TRIM67: variants seen among roughly 807,000 people sequenced by gnomAD.
The protein encoded by TRIM67 is tripartite motif containing 67.
Under a neutral mutation model 71.0 loss-of-function variants are expected in TRIM67, and 39 were observed. The observed-to-expected ratio is 0.55, with a 90% confidence interval of 0.43 to 0.72. The LOEUF is 0.72. Ranked by LOEUF, TRIM67 falls within the 30% of genes least tolerant of loss-of-function variation. TRIM67 has a pLI of 0.00. For missense variants in TRIM67, 973 were observed against 1,079.2 expected (o/e 0.90, Z 1.38); for synonymous variants, 481 against 473.9 (o/e 1.01, Z -0.19).
chr1:231,202,068 G>GA (rs1683542202), intron 5 of TRIM67, among the ~76,000 whole-genome samples: 1 of 151,644 alleles, frequency 6.6e-6, no homozygotes, highest in Non-Finnish European at 1.5e-5. Context: ...GGAGGAGATG[G>GA]AGGAGGAGGA....
intron 5 of TRIM67, among the ~76,000 whole-genome samples, chr1:231,202,166 AG>A (rs1683562747): frequency 4.3e-4 from 1 of 2,316 alleles, no homozygotes; most frequent in Non-Finnish European, 9.6e-4. Context: ...AGGAGGAGGT[AG>A]TGGAGGAGGA....
At position 231,163,240 on chromosome 1, in the gene TRIM67, G is replaced by A; in HGVS notation, c.271G>A (p.Gly91Ser). The change falls in exon 1 of 10, where the codon GGT (glycine) becomes AGT (serine). Residue 91 changes from glycine to serine, a missense_variant. Gly to Ser is a moderately conservative substitution (Grantham distance 56, BLOSUM62 0). Coordinates refer to ENST00000366653, the MANE Select transcript of TRIM67 (RefSeq NM_001004342.5). ...GAGTGCAGCTGGCGGCCTCGGCGGC[G>A]GTGCGGGAGGTGGCGGAGACCACGC... Reference protein sequence around the residue: ...GGSAAGGLGGGAGGGGDHADK... With the variant: ...GGSAAGGLGGSAGGGGDHADK... The A allele has an allele frequency of 5.3e-6, 8 of 1,502,050 alleles. No individual in the cohort carries two copies. Among genetic ancestry groups the A allele is most frequent in the Non-Finnish European group, 7.1e-6 (8 of 1,125,568 alleles). 93.0% of individuals were successfully genotyped at this position (1,502,050 alleles called of 1,614,324 possible).
At chr1:231,197,599 G>A in intron 2 of TRIM67, 133 bp downstream of exon 2, 3 of 690,018 alleles carry the variant, frequency 4.3e-6, no homozygotes, top group Non-Finnish European at 7.3e-6. Flanking sequence ...GCCGAGGCGG[G>A]CAGATCACCT....
chr1:231,220,635 C>T lies in TRIM67; in HGVS notation c.*5195C>T, dbSNP rs1314620993. ...GGCTAGTGGGTCATCATGTCACTTTCAGATGACTGATAACCGCTGGGACTG... is the reference window on the plus strand; with the variant it reads ...GGCTAGTGGGTCATCATGTCACTTTTAGATGACTGATAACCGCTGGGACTG... On this transcript the variant is annotated 3_prime_UTR_variant, in exon 10 of 10. Coordinates refer to ENST00000366653, the MANE Select transcript of TRIM67 (RefSeq NM_001004342.5). The T allele has an allele frequency of 1.3e-5, 2 of 152,288 alleles. No homozygotes were observed. The allele number at this position is 152,288 out of a possible 1,614,324, so 9.4% of individuals were successfully genotyped here. A position where few individuals can be genotyped will look rare whatever the true frequency, so the allele number is the denominator to read the frequency against.
chr1:231,165,520 G>C (rs931118840), intron 1 of TRIM67, among the ~76,000 whole-genome samples: 1 of 152,116 alleles, frequency 6.6e-6, no homozygotes, highest in Non-Finnish European at 1.5e-5. Context: ...AAAGCTACAG[G>C]GAAGTAGCAA....
chr1:231,201,040 G>A (rs1435549740), intron 4 of TRIM67, among the ~76,000 whole-genome samples: 1 of 152,186 alleles, frequency 6.6e-6, no homozygotes, highest in South Asian at 2.1e-4. Context: ...TAGGAAGACA[G>A]ATCTAATGAA....
intron 2 of TRIM67, 123 bp downstream of exon 2, chr1:231,197,589 G>C: frequency 1.3e-6 from 1 of 764,256 alleles, no homozygotes; most frequent in Non-Finnish European, 2.1e-6. Flanking sequence ...ACTTTGGGAG[G>C]CCGAGGCGGG....
rs143542563 is a variant in TRIM67 at position 231,211,563 on chromosome 1, G to T, written c.2124-2252G>T. ...TTTTAGTTTCCTTCTCCCACCTGCC[G>T]GATCCCGCCCCGGGCACCCTCGGGG... On this transcript the variant is annotated intron_variant, in intron 8 of 9. Coordinates refer to ENST00000366653, the MANE Select transcript of TRIM67 (RefSeq NM_001004342.5). 1.0e-3 allele frequency among the ~76,000 whole-genome samples: 154 copies of T among 152,252 alleles called. 2 individuals carry two copies. The highest frequency in any genetic ancestry group is 3.4e-3 in the African/African-American group (141 of 41,556).
Position 231,162,938 on chromosome 1 carries a change from A to T in TRIM67, c.-32A>T. The stretch of plus-strand genomic sequence containing the variant: ...TCCCGAGCTCCGGCCATTCATCCCC[A>T]GCGCAGAGCAGCGCTGGCAGCCGGC... On this transcript the variant is annotated 5_prime_UTR_variant, in exon 1 of 10. Coordinates refer to ENST00000366653, the MANE Select transcript of TRIM67 (RefSeq NM_001004342.5). 1 of 1,601,784 alleles carries T rather than the reference A, an allele frequency of 6.2e-7. No homozygotes were observed. Among genetic ancestry groups the T allele is most frequent in the Non-Finnish European group, 8.5e-7 (1 of 1,176,140 alleles).
intron 2 of TRIM67, among the ~76,000 whole-genome samples, chr1:231,197,738 T>C (rs1571891888): frequency 6.6e-6 from 1 of 152,208 alleles, no homozygotes; most frequent in Middle Eastern, 3.4e-3. Flanking sequence ...GGCAGGAGAA[T>C]CACTTGAACC....
Position 231,217,493 on chromosome 1 carries a change from A to G in TRIM67, c.*2053A>G, listed in dbSNP as rs569034404. On this transcript the variant is annotated 3_prime_UTR_variant, in exon 10 of 10. Transcript: ENST00000366653. ...GCTCTGGGTGGCCTTTGCTTGGAGC[A>G]TGGAGACGATCCCTAAAGATTGAGG... The G allele has an allele frequency of 1.0e-6, 1 of 1,004,560 alleles. No homozygotes were observed. Among genetic ancestry groups the G allele is most frequent in the Non-Finnish European group, 1.2e-6 (1 of 841,422 alleles). The allele number at this position is 1,004,560 out of a possible 1,614,324, so 62.2% of individuals were successfully genotyped here. A position where few individuals can be genotyped will look rare whatever the true frequency, so the allele number is the denominator to read the frequency against.
intron 2 of TRIM67, among the ~76,000 whole-genome samples, chr1:231,198,109 C>G (rs1344017485): frequency 1.3e-5 from 2 of 152,202 alleles, no homozygotes; most frequent in Admixed American, 6.5e-5. Context: ...TTTGTGGCAT[C>G]TGTATATGGT....
At position 231,193,071 on chromosome 1, in the gene TRIM67, G is replaced by C. The variant is rs115635004; in HGVS notation, c.1045-4300G>C. Among the ~76,000 whole-genome samples the C allele has an allele frequency of 5.0e-3, 762 of 152,306 alleles. 9 individuals are homozygous for C. Among genetic ancestry groups the C allele is most frequent in the African/African-American group, 0.017 (719 of 41,572 alleles). ...TCCTGGCCCCTGGTACTGGGCAGAT[G>C]GTGCGTGACCCTAACTACCCTGCCT... On this transcript the variant is annotated intron_variant, in intron 1 of 9. Coordinates refer to ENST00000366653, the MANE Select transcript of TRIM67 (RefSeq NM_001004342.5).
At chr1:231,180,382 T>A (rs1408014339) in intron 1 of TRIM67, among the ~76,000 whole-genome samples, 1 of 152,166 alleles carries the variant, frequency 6.6e-6, no homozygotes, top group Non-Finnish European at 1.5e-5. Context: ...AGTCTCTAAT[T>A]AAGAAAAAAC....
rs943771169 is a variant in TRIM67 at position 231,209,887 on chromosome 1, C to T, written c.2123+637C>T. Among the ~76,000 whole-genome samples, 1 of 152,162 alleles carries T rather than the reference C, an allele frequency of 6.6e-6. No individual in the cohort carries two copies. The highest frequency in any genetic ancestry group is 2.4e-5 in the African/African-American group (1 of 41,450). On this transcript the variant is annotated intron_variant, in intron 8 of 9. Transcript: ENST00000366653. The surrounding 1 kb of genome is among the most constrained non-coding windows in gnomAD (Gnocchi z 4.1). ...ACTCAGGTCCTGGCCTGTGAAACTA[C>T]TGGGACCTCTGTTAGGAGGGCAGAT...
intron 1 of TRIM67, among the ~76,000 whole-genome samples, chr1:231,175,571 C>A (rs1682724552): frequency 6.6e-6 from 1 of 152,234 alleles, no homozygotes; most frequent in Admixed American, 6.5e-5. Context: ...CACCCGCACA[C>A]GCAGCCGGCT....
Position 231,218,754 on chromosome 1 carries a change from C to T in TRIM67, c.*3314C>T. 1 of 985,452 alleles carries T rather than the reference C, an allele frequency of 1.0e-6. No individual in the cohort carries two copies. Among genetic ancestry groups the T allele is most frequent in the African/African-American group, 1.7e-5 (1 of 57,348 alleles). 61.0% of individuals were successfully genotyped at this position (985,452 alleles called of 1,614,324 possible). ...TAGTTGCAACAGCGCCCTAGGTGCC[C>T]TATGGCCCACCAAGTTTGAGGAGGG... On this transcript the variant is annotated 3_prime_UTR_variant, in exon 10 of 10. Transcript: ENST00000366653.
chr1:231,165,712 GC>G (rs1682443158), intron 1 of TRIM67, among the ~76,000 whole-genome samples: 1 of 152,094 alleles, frequency 6.6e-6, no homozygotes, highest in African/African-American at 2.4e-5. Context: ...TAGCTATCTT[GC>G]TTATTTCATC....
rs761479127 is a variant in TRIM67 at position 231,163,705 on chromosome 1, G to A, written c.736G>A (p.Ala246Thr). 1.1e-5 allele frequency: 17 copies of A among 1,506,382 alleles called. No individual in the cohort carries two copies. The South Asian group carries it at 1.9e-4, about 17-fold the overall frequency. 93.3% of individuals were successfully genotyped at this position (1,506,382 alleles called of 1,614,324 possible). ...GTGCCATCCATCCCGGGGACCCTTCGCCAAGCATCGCCTGGTGCAGCCGCC... is the reference window on the plus strand; with the variant it reads ...GTGCCATCCATCCCGGGGACCCTTCACCAAGCATCGCCTGGTGCAGCCGCC... ...LKCHPSRGPF[A>T]KHRLVQPPPP... The change falls in exon 1 of 10, where the codon GCC becomes ACC. Residue 246 changes from alanine (A) to threonine (T), a missense_variant. Physicochemically the swap from Ala to Thr is moderately conservative, Grantham distance 58. This residue lies in a region of TRIM67 where 795 missense variants were observed against 831.3 expected (regional missense o/e 0.96). Coordinates refer to ENST00000366653, the MANE Select transcript of TRIM67 (RefSeq NM_001004342.5).
Sources: allele counts gnomAD v4.1 joint callset (sites outside exome capture counted in the v4.1 genomes callset), GRCh38; gene constraint gnomAD v4.1.1; regional missense constraint gnomAD v4.1.1; non-coding constraint Gnocchi (gnomAD v3.1); transcripts MANE v1.5; gene names NCBI Gene and HGNC (gene_info 2026-07-23, HGNC 2026-07-21).